Variants in FHIT observed in about 807,000 individuals in gnomAD.
The protein encoded by FHIT is fragile histidine triad diadenosine triphosphatase, also known as bis(5'-adenosyl)-triphosphatase.
Under a neutral mutation model 17.9 loss-of-function variants are expected in FHIT, and 19 were observed. That is an observed-to-expected ratio of 1.06 (90% CI 0.74 to 1.56). The LOEUF (loss-of-function observed/expected upper bound fraction) is 1.56, where lower values mean the gene tolerates loss of function less well. FHIT is among the 40% of genes most tolerant of loss of function. The probability of loss-of-function intolerance (pLI) is 0.00; values close to 1 mark genes in which losing one functional copy is unlikely to be tolerated. For synonymous variants in FHIT, 81 were observed against 69.7 expected, an observed-to-expected ratio of 1.16 and a Z score of -0.81; for missense variants, 248 against 189.2, an observed-to-expected ratio of 1.31 and a Z score of -1.82.
intron 7 of FHIT, among the ~76,000 whole-genome samples, chr3:59,957,872 A>G (rs1222300916): frequency 2.6e-5 from 4 of 152,232 alleles, no homozygotes; most frequent in African/African-American, 9.6e-5. Context: ...CATACTCAGT[A>G]AACAAATATT....
rs146329055 is a variant in FHIT, at chr3:60,017,240, C to T, written c.104-3088G>A. On this transcript the variant is annotated intron_variant, in intron 5 of 9. Coordinates refer to ENST00000492590, the MANE Select transcript of FHIT (RefSeq NM_002012.4). ...AACATGCTGAACGCTTAAGAAACAC[C>T]TAACCTTGGAAAAAGAAAGCAGACG... Among the ~76,000 whole-genome samples the T allele has an allele frequency of 2.2e-3, 338 of 152,232 alleles. 1 individual carries two copies. The highest frequency in any genetic ancestry group is 7.8e-3 in the African/African-American group (324 of 41,526).
chr3:60,227,498 G>C (rs777329036), intron 5 of FHIT, among the ~76,000 whole-genome samples: 3 of 152,154 alleles, frequency 2.0e-5, no homozygotes, highest in Non-Finnish European at 4.4e-5. Flanking sequence ...CTTGGAATTT[G>C]AGGGCTGTCT....
chr3:60,097,586 T>G (rs1704008051), intron 5 of FHIT, among the ~76,000 whole-genome samples: 1 of 152,210 alleles, frequency 6.6e-6, no homozygotes, highest in South Asian at 2.1e-4. Flanking sequence ...CTACTTAATG[T>G]GAAGACGATA....
At chr3:60,782,316 G>C (rs1700423145) in intron 4 of FHIT, among the ~76,000 whole-genome samples, 1 of 151,610 alleles carries the variant, frequency 6.6e-6, no homozygotes, top group Admixed American at 6.6e-5. Flanking sequence ...AAAGATGAAA[G>C]ACAAGTCTTG....
At chr3:60,850,323 T>TTCTCTCTC (rs3046704) in intron 3 of FHIT, among the ~76,000 whole-genome samples, 2,171 of 120,040 alleles carry the variant, frequency 0.018, 50 homozygotes, top group Non-Finnish European at 0.025. Flanking sequence ...GTGTCTGCAC[T>TTCTCTCTC]TCTCTCTCTC....
intron 5 of FHIT, among the ~76,000 whole-genome samples, chr3:60,375,014 G>T (rs6807084): frequency 0.13 from 19,888 of 151,746 alleles, 1,881 homozygotes; most frequent in East Asian, 0.26. Context: ...GAGACTCTAA[G>T]GGTAGCAGTG....
At chr3:60,617,820 A>C (rs566754987) in intron 4 of FHIT, 1 of 151,620 alleles carries the variant, frequency 6.6e-6, no homozygotes, top group South Asian at 2.3e-4. Flanking sequence ...TTGGTGCAAA[A>C]GTAACTATGG....
chr3:60,582,863 T>C (rs1182135561), intron 4 of FHIT, among the ~76,000 whole-genome samples: 1 of 152,024 alleles, frequency 6.6e-6, no homozygotes, highest in Non-Finnish European at 1.5e-5. Flanking sequence ...AACAAATCTA[T>C]ATTTTATAGG....
chr3:60,340,743 T>G (rs1021815659), intron 5 of FHIT, among the ~76,000 whole-genome samples: 5 of 152,182 alleles, frequency 3.3e-5, no homozygotes, highest in African/African-American at 9.6e-5. Flanking sequence ...AGTCTCACTC[T>G]GTTGCCCAGG....
At chr3:60,869,201 A>C (rs1470791447) in intron 3 of FHIT, among the ~76,000 whole-genome samples, 2 of 152,202 alleles carry the variant, frequency 1.3e-5, no homozygotes, top group African/African-American at 4.8e-5. Context: ...GTGGAAGATC[A>C]ATTCTAATTT....
At chr3:60,596,713 A>G (rs1199056921) in intron 4 of FHIT, among the ~76,000 whole-genome samples, 2 of 152,134 alleles carry the variant, frequency 1.3e-5, no homozygotes, top group South Asian at 2.1e-4. Flanking sequence ...AAGTCTAACA[A>G]TAGTACTAGA....
chr3:60,903,190 G>A (rs1706212898), intron 3 of FHIT, among the ~76,000 whole-genome samples: 1 of 152,186 alleles, frequency 6.6e-6, no homozygotes, highest in Non-Finnish European at 1.5e-5. Flanking sequence ...GATATTAAGT[G>A]ATGACGGTGA....
At chr3:61,202,709 GA>G (rs201598052) in intron 1 of FHIT, among the ~76,000 whole-genome samples, 16,289 of 151,622 alleles carry the variant, frequency 0.11, 1,061 homozygotes, top group South Asian at 0.22. Flanking sequence ...ACCAGAGAGG[GA>G]AAAAAAAGAG....
intron 5 of FHIT, among the ~76,000 whole-genome samples, chr3:60,160,603 A>G (rs892630305): frequency 2.0e-5 from 3 of 152,296 alleles, no homozygotes; most frequent in African/African-American, 7.2e-5. Flanking sequence ...GTAGAGAAAG[A>G]AAATGGCTTT....
At chr3:60,989,543 A>G (rs150852625) in intron 3 of FHIT, among the ~76,000 whole-genome samples, 12 of 152,300 alleles carry the variant, frequency 7.9e-5, no homozygotes, top group Admixed American at 7.8e-4. Flanking sequence ...GGTAGGCACA[A>G]TTATTATTCT....
At chr3:59,764,411 C>T (rs1309578384) in intron 8 of FHIT, among the ~76,000 whole-genome samples, 2 of 152,286 alleles carry the variant, frequency 1.3e-5, no homozygotes, top group East Asian at 1.9e-4. Flanking sequence ...GGATTGGTCA[C>T]GATTCCTTCT....
chr3:60,566,085 T>A (rs1298053975), intron 4 of FHIT, among the ~76,000 whole-genome samples: 2 of 152,200 alleles, frequency 1.3e-5, no homozygotes, highest in Non-Finnish European at 2.9e-5. Flanking sequence ...GTGAGTTTCT[T>A]AATCCTGAAT....
intron 2 of FHIT, among the ~76,000 whole-genome samples, chr3:61,072,471 A>G (rs2034836834): frequency 1.3e-5 from 2 of 152,212 alleles, no homozygotes; most frequent in African/African-American, 4.8e-5. Context: ...ATTTAAGAAA[A>G]CAAAGGACAC....
At chr3:60,735,084 T>A (rs2042108157) in intron 4 of FHIT, among the ~76,000 whole-genome samples, 1 of 152,244 alleles carries the variant, frequency 6.6e-6, no homozygotes, top group Non-Finnish European at 1.5e-5. Flanking sequence ...AAACAAATGA[T>A]CTCTCAGTAC....
Sources: allele counts gnomAD v4.1 joint callset (sites outside exome capture counted in the v4.1 genomes callset), GRCh38; gene constraint gnomAD v4.1.1; transcripts MANE v1.5; gene names NCBI Gene and HGNC (gene_info 2026-07-23, HGNC 2026-07-21).